CHST9: variants seen among roughly 807,000 people sequenced by gnomAD.
CHST9 encodes the protein GalNAc-4-sulfotransferase 2.
CHST9 carries 41 observed loss-of-function variants against 44.4 expected under a neutral mutation model. The observed-to-expected ratio is 0.92, with a 90% CI of 0.72 to 1.20. CHST9 has a LOEUF of 1.20. CHST9 is among the 50% of genes most tolerant of loss of function. CHST9 has a pLI of 0.00. For missense variants in CHST9, 504 were observed against 516.5 expected, an observed-to-expected ratio of 0.98 and a Z score of 0.23; for synonymous variants, 171 against 178.4, an observed-to-expected ratio of 0.96 and a Z score of 0.33.
chr18:27,070,874 T>G (rs764600983), intron 2 of CHST9, among the ~76,000 whole-genome samples: 53 of 152,314 alleles, frequency 3.5e-4, no homozygotes, highest in African/African-American at 1.2e-3. Context: ...TTTTGGTAGG[T>G]TTGGTCAGTG....
intron 5 of CHST9, among the ~76,000 whole-genome samples, chr18:26,925,351 A>G (rs1246806613): frequency 6.6e-6 from 1 of 152,224 alleles, no homozygotes; most frequent in Non-Finnish European, 1.5e-5. Flanking sequence ...CAAACAGAAG[A>G]GTAGATGCAG....
At chr18:26,996,479 A>C (rs2056889442) in intron 4 of CHST9, among the ~76,000 whole-genome samples, 1 of 152,156 alleles carries the variant, frequency 6.6e-6, no homozygotes, top group Non-Finnish European at 1.5e-5. Flanking sequence ...TGTGTGGTAC[A>C]TGCAGGATAT....
At chr18:27,167,079 G>A (rs1277550123) in intron 1 of CHST9, among the ~76,000 whole-genome samples, 2 of 152,170 alleles carry the variant, frequency 1.3e-5, no homozygotes, top group South Asian at 4.1e-4. Context: ...TAAGAGTGAC[G>A]CTTTCCTTCT....
chr18:27,095,498 G>A (rs1039211304), intron 2 of CHST9, among the ~76,000 whole-genome samples: 1 of 152,044 alleles, frequency 6.6e-6, no homozygotes, highest in Non-Finnish European at 1.5e-5. Context: ...AGAGTGAAAA[G>A]TTCGATGAAA....
chr18:27,023,989 C>G, intron 4 of CHST9, 127 bp downstream of exon 4: 5 of 902,596 alleles, frequency 5.5e-6, no homozygotes, highest in Non-Finnish European at 8.6e-6. Context: ...GCAGTGCTTC[C>G]TAGGGATGGC....
chr18:27,026,762 T>C (rs2057289369), intron 3 of CHST9, among the ~76,000 whole-genome samples: 1 of 152,168 alleles, frequency 6.6e-6, no homozygotes, highest in Non-Finnish European at 1.5e-5. Context: ...CAAACAGAAA[T>C]TAATTGGGTT....
At chr18:26,929,128 G>A (rs1195767721) in intron 5 of CHST9, among the ~76,000 whole-genome samples, 1 of 152,122 alleles carries the variant, frequency 6.6e-6, no homozygotes, top group Non-Finnish European at 1.5e-5. Flanking sequence ...GTGTATGTTT[G>A]TGTCTATGCA....
chr18:26,992,654 C>T (rs935882050), intron 4 of CHST9, among the ~76,000 whole-genome samples: 3 of 151,344 alleles, frequency 2.0e-5, no homozygotes, highest in African/African-American at 7.3e-5. Context: ...ATTTTGTGTG[C>T]CTTGATATCA....
rs1183197260 is a variant in CHST9 at position 26,912,175 on chromosome 18, T to C, written c.*4084A>G. ...CTGGAATTTCTTGTCAAAGAAATGA[T>C]ATTTTGTTTTCACAAGGCTAAATTT... is the stretch of plus-strand genomic sequence containing the variant. On this transcript the variant is annotated 3_prime_UTR_variant, in exon 6 of 6. Transcript: ENST00000618847. 2.0e-5 allele frequency: 3 copies of C among 152,180 alleles called. No individual in the cohort carries two copies. The South Asian group carries it at 6.2e-4, about 32-fold the overall frequency. The allele number at this position is 152,180 out of a possible 1,614,324, so 9.4% of individuals were successfully genotyped here. A position where few individuals can be genotyped will look rare whatever the true frequency, so the allele number is the denominator to read the frequency against.
chr18:27,102,421 T>A (rs1013999357), intron 2 of CHST9, among the ~76,000 whole-genome samples: 3 of 152,176 alleles, frequency 2.0e-5, no homozygotes, highest in Non-Finnish European at 1.5e-5. Context: ...TGGGGATTCA[T>A]TCTACTTTGG....
At chr18:27,056,448 G>C (rs540099951) in intron 2 of CHST9, among the ~76,000 whole-genome samples, 2 of 152,246 alleles carry the variant, frequency 1.3e-5, no homozygotes, top group East Asian at 3.9e-4. Flanking sequence ...ACTTTGAGTT[G>C]TAGCTCTACC....
chr18:27,095,164 A>T (rs549893091), intron 2 of CHST9, among the ~76,000 whole-genome samples: 7 of 152,340 alleles, frequency 4.6e-5, no homozygotes, highest in African/African-American at 1.7e-4. Context: ...ATGAGTAATT[A>T]GCAAGATGAG....
chr18:27,182,334 AAGTT>A (rs60640062), intron 1 of CHST9, among the ~76,000 whole-genome samples: 104,391 of 151,514 alleles, frequency 0.69, 36,105 homozygotes, highest in East Asian at 0.79. Context: ...CCATTCTTCT[AAGTT>A]AGGAGAATCT....
chr18:26,943,077 C>A (rs2056107403), intron 5 of CHST9, among the ~76,000 whole-genome samples: 1 of 151,974 alleles, frequency 6.6e-6, no homozygotes, highest in African/African-American at 2.4e-5. Flanking sequence ...CACTGCACTC[C>A]AGCCTGGTGA....
intron 2 of CHST9, among the ~76,000 whole-genome samples, chr18:27,059,278 A>C (rs1175619466): frequency 6.6e-6 from 1 of 152,208 alleles, no homozygotes; most frequent in African/African-American, 2.4e-5. Context: ...ATGACATTAA[A>C]ATATGTATCT....
chr18:26,980,494 T>C (rs1163368603), intron 4 of CHST9, among the ~76,000 whole-genome samples: 2 of 152,186 alleles, frequency 1.3e-5, no homozygotes, highest in Admixed American at 6.6e-5. Flanking sequence ...ACAGAATTAA[T>C]GTTCAGTACA....
At chr18:26,941,329 T>A (rs975998400) in intron 5 of CHST9, among the ~76,000 whole-genome samples, 4 of 152,320 alleles carry the variant, frequency 2.6e-5, no homozygotes, top group Admixed American at 6.5e-5. Flanking sequence ...AAACACAAGG[T>A]ATTAATTCAC....
chr18:27,020,454 T>G (rs2057211101), intron 4 of CHST9, among the ~76,000 whole-genome samples: 1 of 152,226 alleles, frequency 6.6e-6, no homozygotes, highest in South Asian at 2.1e-4. Context: ...GAAAATACTC[T>G]CGGTCTCTCA....
intron 4 of CHST9, among the ~76,000 whole-genome samples, chr18:26,967,662 G>T (rs1433136540): frequency 2.6e-5 from 4 of 152,140 alleles, no homozygotes; most frequent in Non-Finnish European, 5.9e-5. Flanking sequence ...GTGGCCAAAA[G>T]GTGTGTGTGA....
Sources: allele counts gnomAD v4.1 joint callset (sites outside exome capture counted in the v4.1 genomes callset), GRCh38; gene constraint gnomAD v4.1.1; transcripts MANE v1.5; gene names NCBI Gene and HGNC (gene_info 2026-07-23, HGNC 2026-07-21).